The following CACNG5 variants were observed in gnomAD, a reference collection of about 807,000 sequenced individuals.
CACNG5 encodes calcium voltage-gated channel auxiliary subunit gamma 5.
In CACNG5, 18 loss-of-function variants were observed where a neutral mutation model predicts 24.8. That is an observed-to-expected ratio of 0.73 (90% CI 0.50 to 1.08). CACNG5 has a LOEUF of 1.08. Among genes scored for constraint, CACNG5 ranks in the 50% least tolerant of loss-of-function variants. The pLI, the probability that CACNG5 is intolerant of heterozygous loss-of-function variation, is 0.00. For synonymous variants in CACNG5, 157 were observed against 149.1 expected (o/e 1.05, Z -0.39); for missense variants, 349 against 367.9 (o/e 0.95, Z 0.42).
At chr17:66,869,434 G>C (rs1976972671) in intron 1 of CACNG5, among the ~76,000 whole-genome samples, 3 of 152,158 alleles carry the variant, frequency 2.0e-5, no homozygotes, top group Admixed American at 1.3e-4. Flanking sequence ...GCATGAGGTA[G>C]CCCAGACTTA....
At chr17:66,882,212 G>A (rs768654956) in intron 4 of CACNG5, among the ~76,000 whole-genome samples, 36 of 152,246 alleles carry the variant, frequency 2.4e-4, no homozygotes, top group South Asian at 1.0e-3. Context: ...AGGCTTCCAG[G>A]GAAGAGTCAA....
intron 4 of CACNG5, among the ~76,000 whole-genome samples, chr17:66,881,546 C>G (rs1977157892): frequency 6.6e-6 from 1 of 152,168 alleles, no homozygotes; most frequent in Non-Finnish European, 1.5e-5. Context: ...ATTCTTTCTT[C>G]TTTTTATTCA....
At chr17:66,840,521 C>T (rs542708765) in intron 1 of CACNG5, among the ~76,000 whole-genome samples, 1 of 152,190 alleles carries the variant, frequency 6.6e-6, no homozygotes, top group Non-Finnish European at 1.5e-5. Context: ...CAGGATTCTG[C>T]AGCCTCAGAA....
In CACNG5 at chr17:66,885,185, A is replaced by G. The variant is rs1415598672; in HGVS notation, c.773A>G (p.Tyr258Cys). Residue 258 changes from tyrosine to cysteine, a missense_variant, in exon 6 of 6, where the codon TAC becomes TGC. Coordinates refer to ENST00000533854, the MANE Select transcript of CACNG5 (RefSeq NM_145811.3). ...SEASLQMNSN[Y>C]PALLKCPDYD... is the part of the protein sequence containing the mutation. ...GCCTCCCTGCAGATGAACAGCAACT[A>G]CCCCGCCTTGCTCAAGTGCCCCGAC... The G allele has an allele frequency of 3.1e-6, 5 of 1,608,388 alleles. No individual in the cohort carries two copies. In the Admixed American group the frequency reaches 6.7e-5, roughly 22 times the overall value.
At chr17:66,840,357 C>T (rs1286949545) in intron 1 of CACNG5, among the ~76,000 whole-genome samples, 1 of 152,194 alleles carries the variant, frequency 6.6e-6, no homozygotes, top group Non-Finnish European at 1.5e-5. Flanking sequence ...AGGAGGAGGT[C>T]TGGCCCTTTC....
At chr17:66,882,311 C>T (rs1977170634) in intron 4 of CACNG5, among the ~76,000 whole-genome samples, 1 of 152,102 alleles carries the variant, frequency 6.6e-6, no homozygotes, top group South Asian at 2.1e-4. Context: ...ATTTGGGCAG[C>T]TCATGAGTTT....
intron 1 of CACNG5, among the ~76,000 whole-genome samples, chr17:66,852,290 G>A (rs982345193): frequency 6.6e-6 from 1 of 152,158 alleles, no homozygotes; most frequent in African/African-American, 2.4e-5. Flanking sequence ...CTGAGCCACA[G>A]TGCTGTTATA....
chr17:66,879,036 C>G lies in CACNG5; in HGVS notation c.261C>G (p.Ser87=), dbSNP rs117599246. 3.1e-6 allele frequency: 5 copies of G among 1,613,966 alleles called. No individual in the cohort carries two copies. ...TGCCCATGAACACCCAGCTGACATC[C>G]GAGTCCACGGTCAATGTTCTAAGTA... is the stretch of plus-strand genomic sequence containing the variant. The part of the protein sequence containing the change: ...YVMPMNTQLT[S]ESTVNVLKMI... The change falls in exon 3 of 6, where the codon TCC becomes TCG. Residue 87 remains serine, a synonymous_variant. Coordinates refer to ENST00000533854, the MANE Select transcript of CACNG5 (RefSeq NM_145811.3).
rs1004235140 is a variant in CACNG5, at chr17:66,885,843, C to G, written c.*603C>G. On this transcript the variant is annotated 3_prime_UTR_variant, in exon 6 of 6. Transcript: ENST00000533854. The stretch of plus-strand genomic sequence containing the variant: ...CATGCTCTTCCCTCCCTGACACAGG[C>G]TGTGGTGAACTTTTTCTCCTTTCCT... Among the ~76,000 whole-genome samples, 4 of 152,214 alleles carry G rather than the reference C, an allele frequency of 2.6e-5. No individual in the cohort carries two copies. The highest frequency in any genetic ancestry group is 9.6e-5 in the African/African-American group (4 of 41,454).
At chr17:66,840,535 C>T (rs1976551285) in intron 1 of CACNG5, among the ~76,000 whole-genome samples, 1 of 152,184 alleles carries the variant, frequency 6.6e-6, no homozygotes, top group Admixed American at 6.5e-5. Context: ...CTCAGAACCC[C>T]TAAGACTTAA....
chr17:66,893,264 G>A lies in CACNG5; in HGVS notation c.*8024G>A, dbSNP rs564478074. The stretch of plus-strand genomic sequence containing the variant: ...TTCTATAATCAGAGAAATAATCCAG[G>A]TTCCCATCCAAAGATAAATGGGGGA... On this transcript the variant is annotated 3_prime_UTR_variant, in exon 6 of 6. Coordinates refer to ENST00000533854, the MANE Select transcript of CACNG5 (RefSeq NM_145811.3). 6.6e-6 allele frequency among the ~76,000 whole-genome samples: 1 copy of A among 152,222 alleles called. No homozygotes were observed. The highest frequency in any genetic ancestry group is 6.5e-5 in the Admixed American group (1 of 15,286).
Position 66,892,597 on chromosome 17 carries a change from G to A in CACNG5, c.*7357G>A, listed in dbSNP as rs189748227. ...TCTGATTAGGCAATAAAGGAACCAC[G>A]TATCACAACGTTCCCAGCAGACTAA... is the stretch of plus-strand genomic sequence containing the variant. On this transcript the variant is annotated 3_prime_UTR_variant, in exon 6 of 6. Coordinates refer to ENST00000533854, the MANE Select transcript of CACNG5 (RefSeq NM_145811.3). Among the ~76,000 whole-genome samples the A allele has an allele frequency of 7.9e-5, 12 of 152,324 alleles. No homozygotes were observed. The East Asian group carries it at 1.2e-3, about 15-fold the overall frequency.
chr17:66,868,908 T>G (rs1976965720), intron 1 of CACNG5, among the ~76,000 whole-genome samples: 1 of 152,050 alleles, frequency 6.6e-6, no homozygotes, highest in Non-Finnish European at 1.5e-5. Flanking sequence ...AGGGCTGAAA[T>G]TTGCCAGGGA....
rs1258341136 is a variant in CACNG5 at position 66,894,523 on chromosome 17, T to C, written c.*9283T>C. On this transcript the variant is annotated 3_prime_UTR_variant, in exon 6 of 6. Coordinates refer to ENST00000533854, the MANE Select transcript of CACNG5 (RefSeq NM_145811.3). ...ATTTGCTTTGAATCCTAGTGCAGAATCTGAGTTAGTTACCCTCTCCAGTTC... is the reference window on the plus strand; with the variant it reads ...ATTTGCTTTGAATCCTAGTGCAGAACCTGAGTTAGTTACCCTCTCCAGTTC... Among the ~76,000 whole-genome samples the C allele has an allele frequency of 1.3e-5, 2 of 152,202 alleles. No individual in the cohort carries two copies. Among genetic ancestry groups the C allele is most frequent in the Admixed American group, 6.5e-5 (1 of 15,274 alleles).
chr17:66,866,197 A>G (rs1336427527), intron 1 of CACNG5, among the ~76,000 whole-genome samples: 1 of 152,164 alleles, frequency 6.6e-6, no homozygotes, highest in Admixed American at 6.5e-5. Context: ...TGCAGCTACT[A>G]AAAACAGTGC....
chr17:66,838,311 G>T (rs1322041684), intron 1 of CACNG5, among the ~76,000 whole-genome samples: 1 of 151,728 alleles, frequency 6.6e-6, no homozygotes, highest in Non-Finnish European at 1.5e-5. Context: ...TGGCCTGGGG[G>T]GAGCAGAGTT....
At chr17:66,841,954 A>G (rs1221212794) in intron 1 of CACNG5, among the ~76,000 whole-genome samples, 1 of 152,212 alleles carries the variant, frequency 6.6e-6, no homozygotes, top group East Asian at 1.9e-4. Context: ...GGACAGAGGC[A>G]CCACTGAGCA....
At chr17:66,852,922 C>G (rs1020053178) in intron 1 of CACNG5, among the ~76,000 whole-genome samples, 1 of 144,412 alleles carries the variant, frequency 6.9e-6, no homozygotes, top group African/African-American at 2.5e-5. Flanking sequence ...TTTCTCTCTT[C>G]TCTTTCTCTC....
chr17:66,861,805 G>T (rs1307412766), intron 1 of CACNG5, among the ~76,000 whole-genome samples: 1 of 152,218 alleles, frequency 6.6e-6, no homozygotes, highest in Non-Finnish European at 1.5e-5. Context: ...GCCCGAGCAG[G>T]CTCCTAATTG....
Sources: gnomAD v4.1 joint callset for allele counts (sites outside exome capture counted in the v4.1 genomes callset) on GRCh38, gnomAD v4.1.1 for gene constraint, MANE v1.5 for transcripts, NCBI Gene and HGNC (gene_info 2026-07-23, HGNC 2026-07-21) for gene names.